KCNMA1: variants seen among roughly 807,000 people sequenced by gnomAD.
KCNMA1 encodes potassium calcium-activated channel subfamily M alpha 1, also known as Calcium-activated potassium channel subunit alpha-1.
KCNMA1 carries 29 observed loss-of-function variants against 140.0 expected under a neutral mutation model. The observed-to-expected ratio is 0.21, with a 90% CI of 0.15 to 0.28. The LOEUF is 0.28. Among genes scored for constraint, KCNMA1 ranks in the 10% least tolerant of loss-of-function variants. The pLI, the probability that KCNMA1 is intolerant of heterozygous loss-of-function variation, is 1.00. For synonymous variants in KCNMA1, 612 were observed against 611.9 expected (o/e 1.00, Z 0.00); for missense variants, 880 against 1,602.2 (o/e 0.55, Z 7.70).
At chr10:77,276,632 G>A (rs2066761564) in intron 2 of KCNMA1, among the ~76,000 whole-genome samples, 2 of 152,120 alleles carry the variant, frequency 1.3e-5, no homozygotes, top group Non-Finnish European at 2.9e-5. Flanking sequence ...TATGCGTGAG[G>A]TTTGTTCATA....
rs186094935 is a variant in KCNMA1, at chr10:77,438,199, G to A, written c.379-34176C>T. Among the ~76,000 whole-genome samples the A allele has an allele frequency of 5.1e-4, 77 of 152,220 alleles. 1 individual carries two copies. The highest frequency in any genetic ancestry group is 9.0e-4 in the Non-Finnish European group (61 of 67,990). On this transcript the variant is annotated intron_variant, in intron 1 of 27. Transcript: ENST00000286628. ...TCAGCCTCCCAAGTTGCTAGGACTA[G>A]AAGCATGGGCCGCCACACCAGAAGA... is the stretch of plus-strand genomic sequence containing the variant.
chr10:76,945,226 C>T (rs2063586846), intron 22 of KCNMA1, among the ~76,000 whole-genome samples: 1 of 152,106 alleles, frequency 6.6e-6, no homozygotes, highest in Admixed American at 6.5e-5. Flanking sequence ...GTTCTCAATA[C>T]TCAATCAAGC....
chr10:77,191,435 T>G (rs576848007), intron 3 of KCNMA1, among the ~76,000 whole-genome samples: 1 of 152,318 alleles, frequency 6.6e-6, no homozygotes, highest in Admixed American at 6.5e-5. Context: ...CTGAAAGCTT[T>G]GTATTCTTTT....
chr10:77,514,649 C>T (rs866242235), intron 1 of KCNMA1, among the ~76,000 whole-genome samples: 3 of 152,158 alleles, frequency 2.0e-5, no homozygotes. Flanking sequence ...GACATTTCAC[C>T]ATATTAATAA....
intron 1 of KCNMA1, among the ~76,000 whole-genome samples, chr10:77,406,004 G>A (rs577843262): frequency 3.3e-5 from 5 of 152,246 alleles, no homozygotes; most frequent in South Asian, 4.1e-4. Context: ...AGCCCTGGAC[G>A]CTAATATTTT....
At chr10:77,415,249 G>A (rs843836) in intron 1 of KCNMA1, among the ~76,000 whole-genome samples, 70,466 of 152,146 alleles carry the variant, frequency 0.46, 17,416 homozygotes, top group South Asian at 0.55. Context: ...CCAATGTGCC[G>A]TATTTGTAAA....
intron 25 of KCNMA1, among the ~76,000 whole-genome samples, chr10:76,909,202 C>T (rs2049033920): frequency 6.6e-6 from 1 of 152,196 alleles, no homozygotes; most frequent in Non-Finnish European, 1.5e-5. Flanking sequence ...ACCTTCTGCT[C>T]ATGCTCAATC....
chr10:77,408,171 C>T (rs142664917), intron 1 of KCNMA1, among the ~76,000 whole-genome samples: 30 of 152,290 alleles, frequency 2.0e-4, no homozygotes, highest in African/African-American at 7.2e-4. Context: ...CAGGGAGAGG[C>T]TGCCTCCTGA....
chr10:77,335,174 T>A (rs1389250299), intron 2 of KCNMA1, among the ~76,000 whole-genome samples: 1 of 152,178 alleles, frequency 6.6e-6, no homozygotes, highest in Non-Finnish European at 1.5e-5. Flanking sequence ...CCCGTCCTCA[T>A]CCTTATGGAA....
chr10:77,601,737 G>A (rs1383079290), intron 1 of KCNMA1, among the ~76,000 whole-genome samples: 2 of 152,146 alleles, frequency 1.3e-5, no homozygotes, highest in South Asian at 2.1e-4. Flanking sequence ...TAAGCACCAA[G>A]GCCACTTTAT....
At chr10:77,184,121 C>T (rs1229789859) in intron 4 of KCNMA1, among the ~76,000 whole-genome samples, 3 of 151,970 alleles carry the variant, frequency 2.0e-5, no homozygotes, top group African/African-American at 7.2e-5. Context: ...CCTCACCTTC[C>T]TTTCATTCAT....
At position 77,636,641 on chromosome 10, in the gene KCNMA1, C is replaced by T. The variant is rs879114383; in HGVS notation, c.378+624G>A. 1.1e-4 allele frequency: 174 copies of T among 1,535,904 alleles called. 1 individual carries two copies. The South Asian group carries it at 2.0e-3, about 18-fold the overall frequency. On this transcript the variant is annotated intron_variant, in intron 1 of 27. Coordinates refer to ENST00000286628, the MANE Select transcript of KCNMA1 (RefSeq NM_001161352.2). Reference sequence around the variant, plus strand: ...ATTCCAAAAGTGGCAGCCCCGTGGGCTACCCCCAATAGTGGGATGGATCTC... The same window carrying T: ...ATTCCAAAAGTGGCAGCCCCGTGGGTTACCCCCAATAGTGGGATGGATCTC...
chr10:77,570,430 C>T (rs565878292), intron 1 of KCNMA1, among the ~76,000 whole-genome samples: 41 of 150,260 alleles, frequency 2.7e-4, no homozygotes, highest in Middle Eastern at 6.9e-3. Flanking sequence ...AGTTCATGTC[C>T]TTTGTAGGGA....
chr10:77,038,444 G>A (rs1251655412), intron 15 of KCNMA1, among the ~76,000 whole-genome samples: 2 of 152,298 alleles, frequency 1.3e-5, no homozygotes, highest in East Asian at 1.9e-4. Context: ...CTTTGCTAAG[G>A]TGTCAGGAGA....
chr10:76,949,421 T>C (rs2065402916), intron 21 of KCNMA1, 55 bp from the exon 22 acceptor site: 1 of 1,359,450 alleles, frequency 7.4e-7, no homozygotes, highest in Non-Finnish European at 1.0e-6. Context: ...AGGGCTGTTG[T>C]AAGGAGTGAA....
chr10:77,558,632 A>G (rs747510974), intron 1 of KCNMA1, among the ~76,000 whole-genome samples: 3 of 152,176 alleles, frequency 2.0e-5, no homozygotes, highest in Non-Finnish European at 4.4e-5. Flanking sequence ...AAAGAAACAG[A>G]TGGGCCCAGG....
chr10:77,010,705 A>G (rs948572896), intron 18 of KCNMA1, among the ~76,000 whole-genome samples: 3 of 152,004 alleles, frequency 2.0e-5, no homozygotes, highest in African/African-American at 7.2e-5. Context: ...AGTGATATTT[A>G]TAGATGACTG....
At chr10:77,310,400 C>T (rs1179441679) in intron 2 of KCNMA1, among the ~76,000 whole-genome samples, 2 of 152,164 alleles carry the variant, frequency 1.3e-5, no homozygotes, top group African/African-American at 4.8e-5. Context: ...AGCCCAAAGC[C>T]ACACCACACA....
chr10:76,937,913 A>ATGTGTGTGTGTGTTTGTG, intron 23 of KCNMA1, among the ~76,000 whole-genome samples: 1 of 147,804 alleles, frequency 6.8e-6, no homozygotes, highest in South Asian at 2.1e-4. Context: ...GTGTGTGCGT[A>ATGTGTGTGTGTGTTTGTG]TGTGTGTGTG....
Sources: gnomAD v4.1 joint callset for allele counts (sites outside exome capture counted in the v4.1 genomes callset) on GRCh38, gnomAD v4.1.1 for gene constraint, MANE v1.5 for transcripts, NCBI Gene and HGNC (gene_info 2026-07-23, HGNC 2026-07-21) for gene names.